PAX5: variants seen among roughly 807,000 people sequenced by gnomAD.
PAX5 encodes the protein paired box protein Pax-5.
PAX5 carries 9 observed loss-of-function variants against 43.7 expected under a neutral mutation model. That is an observed-to-expected ratio of 0.21 (90% confidence interval 0.12 to 0.36). The LOEUF (loss-of-function observed/expected upper bound fraction) is 0.36, where lower values mean the gene tolerates loss of function less well. Among genes scored for constraint, PAX5 ranks in the 10% least tolerant of loss-of-function variants. The pLI is 1.00. For missense variants in PAX5, 383 were observed against 532.7 expected, an observed-to-expected ratio of 0.72 and a Z score of 2.77; for synonymous variants, 228 against 214.3, an observed-to-expected ratio of 1.06 and a Z score of -0.56.
chr9:36,874,078 C>T (rs993166733), intron 8 of PAX5, among the ~76,000 whole-genome samples: 1 of 152,148 alleles, frequency 6.6e-6, no homozygotes, highest in African/African-American at 2.4e-5. Flanking sequence ...CAGGGGTGGG[C>T]TTGCCAGACC....
chr9:36,984,046 G>A (rs117266573), intron 5 of PAX5, among the ~76,000 whole-genome samples: 32 of 152,266 alleles, frequency 2.1e-4, no homozygotes, highest in South Asian at 1.9e-3. Context: ...TTAGAAAACC[G>A]TTTCCCAAAT....
rs140548580 is a variant in PAX5 at position 36,964,314 on chromosome 9, C to T, written c.780+2235G>A. The stretch of plus-strand genomic sequence containing the variant: ...AAAAAAGATAAACCTTCTGGCTGGG[C>T]GCAGTGGCTCACACCTATAATCCCA... On this transcript the variant is annotated intron_variant, in intron 6 of 9. Transcript: ENST00000358127. 5.1e-3 allele frequency among the ~76,000 whole-genome samples: 760 copies of T among 148,394 alleles called. 9 individuals are homozygous for T. In the East Asian group the frequency reaches 0.053, roughly 10 times the overall value.
intron 5 of PAX5, among the ~76,000 whole-genome samples, chr9:36,986,333 T>G (rs1273462855): frequency 6.8e-6 from 1 of 146,902 alleles, no homozygotes; most frequent in East Asian, 2.0e-4. Context: ...CGCCGCCGCC[T>G]CCACGCTGCG....
In PAX5 at chr9:37,015,625, G is replaced by A. The variant is rs1401747834; in HGVS notation, c.213-431C>T. Among the ~76,000 whole-genome samples the A allele has an allele frequency of 6.6e-6, 1 of 151,278 alleles. No individual in the cohort carries two copies. The highest frequency in any genetic ancestry group is 1.5e-5 in the Non-Finnish European group (1 of 67,928). On this transcript the variant is annotated intron_variant, in intron 2 of 9. Coordinates refer to ENST00000358127, the MANE Select transcript of PAX5 (RefSeq NM_016734.3). The surrounding 1 kb of genome is among the most constrained non-coding windows in gnomAD (Gnocchi z 4.4). ...ACGGAGTTTCGCTCTTGTTGCCCAG[G>A]CTGGAATGCAATGGCGTGATCTTGG...
At chr9:36,987,662 G>A (rs947779424) in intron 5 of PAX5, among the ~76,000 whole-genome samples, 2 of 152,214 alleles carry the variant, frequency 1.3e-5, no homozygotes, top group Admixed American at 6.5e-5. Flanking sequence ...TCTTTGGGGA[G>A]CTAGGAAGGA....
chr9:36,996,629 A>G (rs752010140), intron 5 of PAX5, among the ~76,000 whole-genome samples: 14 of 152,166 alleles, frequency 9.2e-5, no homozygotes, highest in East Asian at 1.9e-4. Context: ...GACAGCATCT[A>G]TGCATCCAGG....
In PAX5 at chr9:36,902,553, A is replaced by G. The variant is rs971291674; in HGVS notation, c.911-20448T>C. The stretch of plus-strand genomic sequence containing the variant: ...AGGCCACAGAGAAACTAGGCCACTG[A>G]TGGGCCCAGCCCTTAGAGAGGCCCT... On this transcript the variant is annotated intron_variant, in intron 7 of 9. Transcript: ENST00000358127. Among the ~76,000 whole-genome samples the G allele has an allele frequency of 3.9e-5, 6 of 152,190 alleles. No individual in the cohort carries two copies. In the South Asian group the frequency reaches 6.2e-4, roughly 16 times the overall value.
chr9:36,882,865 G>A lies in PAX5; in HGVS notation c.911-760C>T, dbSNP rs1826567224. ...CTGACCATGAGTCCAGAGTGTCCAT[G>A]TGTCTCTCAGCTGGGACACTGTCAC... On this transcript the variant is annotated intron_variant, in intron 7 of 9. Transcript: ENST00000358127. This position sits in a 1 kb window ranked among gnomAD's most constrained non-coding sequence, Gnocchi z 4.4. Among the ~76,000 whole-genome samples the A allele has an allele frequency of 6.6e-6, 1 of 152,240 alleles. No homozygotes were observed. Among genetic ancestry groups the A allele is most frequent in the Admixed American group, 6.5e-5 (1 of 15,290 alleles).
intron 5 of PAX5, among the ~76,000 whole-genome samples, chr9:36,970,205 G>A (rs1211457395): frequency 6.6e-6 from 1 of 152,184 alleles, no homozygotes; most frequent in Admixed American, 6.5e-5. Context: ...GTAATGGAGA[G>A]GGGAGTGGCC....
intron 6 of PAX5, among the ~76,000 whole-genome samples, chr9:36,938,128 C>G (rs1162325812): frequency 6.6e-6 from 1 of 152,186 alleles, no homozygotes; most frequent in African/African-American, 2.4e-5. Flanking sequence ...GGTGGTGTTT[C>G]TGCTTGTATG....
chr9:36,934,956 G>T (rs1169519100), intron 6 of PAX5, among the ~76,000 whole-genome samples: 1 of 152,226 alleles, frequency 6.6e-6, no homozygotes, highest in Non-Finnish European at 1.5e-5. Flanking sequence ...TGCCAGAGGT[G>T]CTTCCCAGGG....
At chr9:36,900,992 C>T (rs1459584835) in intron 7 of PAX5, among the ~76,000 whole-genome samples, 6 of 152,222 alleles carry the variant, frequency 3.9e-5, no homozygotes, top group Admixed American at 2.0e-4. Context: ...CAGTTCCACC[C>T]CTCAAAATGT....
At chr9:37,012,338 A>T (rs1352636594) in intron 3 of PAX5, among the ~76,000 whole-genome samples, 1 of 152,196 alleles carries the variant, frequency 6.6e-6, no homozygotes, top group East Asian at 1.9e-4. Flanking sequence ...TTCTACCCCC[A>T]TGTCTATCTC....
chr9:36,909,513 G>A lies in PAX5; in HGVS notation c.910+13842C>T, dbSNP rs1829079977. Among the ~76,000 whole-genome samples, 3 of 152,250 alleles carry A rather than the reference G, an allele frequency of 2.0e-5. No homozygotes were observed. The South Asian group carries it at 6.2e-4, about 31-fold the overall frequency. On this transcript the variant is annotated intron_variant, in intron 7 of 9. Coordinates refer to ENST00000358127, the MANE Select transcript of PAX5 (RefSeq NM_016734.3). Reference sequence around the variant, plus strand: ...AGGGACAGGTAAGGCTGGCTGGAGAGCCTGTGGGCTGCCCTTCCTGGCTTG... The same window carrying A: ...AGGGACAGGTAAGGCTGGCTGGAGAACCTGTGGGCTGCCCTTCCTGGCTTG...
At chr9:36,939,813 AAG>A (rs374942247) in intron 6 of PAX5, among the ~76,000 whole-genome samples, 1 of 150,600 alleles carries the variant, frequency 6.6e-6, no homozygotes, top group Non-Finnish European at 1.5e-5. Context: ...AAGCAAGAGA[AAG>A]AGAGAGAGAG....
In PAX5 at chr9:37,003,169, A is replaced by AAAAAAAAAC. The variant is rs1554681642; in HGVS notation, c.476-394_476-393insGTTTTTTTT. On this transcript the variant is annotated intron_variant, in intron 4 of 9. Coordinates refer to ENST00000358127, the MANE Select transcript of PAX5 (RefSeq NM_016734.3). ...AGTCAGTGCTTAAAAAAAAAAAAAAAAAAAAAAAAAAACCTGAACTACTCG... is the reference window on the plus strand; with the variant it reads ...AGTCAGTGCTTAAAAAAAAAAAAAAAAAAAAAAACAAAAAAAAAAAACCTGAACTACTCG... 4.3e-3 allele frequency among the ~76,000 whole-genome samples: 640 copies of AAAAAAAAAC among 149,444 alleles called. 21 individuals are homozygous for AAAAAAAAAC. Among genetic ancestry groups the AAAAAAAAAC allele is most frequent in the South Asian group, 0.04 (178 of 4,400 alleles).
intron 5 of PAX5, among the ~76,000 whole-genome samples, chr9:37,002,113 T>A (rs549050108): frequency 1.3e-5 from 2 of 151,714 alleles, no homozygotes; most frequent in East Asian, 3.9e-4. Context: ...ATGAGATGAT[T>A]ATTAATTTCC....
At chr9:36,888,195 C>T (rs1421526384) in intron 7 of PAX5, among the ~76,000 whole-genome samples, 2 of 152,198 alleles carry the variant, frequency 1.3e-5, no homozygotes, top group African/African-American at 4.8e-5. Context: ...AATGGTACAG[C>T]TGCTTTGGAA....
At chr9:36,908,259 G>GTGGATTAAACCA (rs1237639932) in intron 7 of PAX5, among the ~76,000 whole-genome samples, 1 of 149,874 alleles carries the variant, frequency 6.7e-6, no homozygotes, top group Non-Finnish European at 1.5e-5. Flanking sequence ...AAACCAAAGA[G>GTGGATTAAACCA]AAGCCAAGAG....
Sources: gnomAD v4.1 joint callset for allele counts (sites outside exome capture counted in the v4.1 genomes callset) on GRCh38, gnomAD v4.1.1 for gene constraint, Gnocchi (gnomAD v3.1) non-coding constraint, MANE v1.5 for transcripts, NCBI Gene and HGNC (gene_info 2026-07-23, HGNC 2026-07-21) for gene names.